The following SLCO5A1 variants were observed in gnomAD, a reference collection of about 807,000 sequenced individuals.
The protein encoded by SLCO5A1 is solute carrier organic anion transporter family member 5A1.
In SLCO5A1, 39 loss-of-function variants were observed where a neutral mutation model predicts 65.1. That is an observed-to-expected ratio of 0.60 (90% CI 0.46 to 0.78). The LOEUF (loss-of-function observed/expected upper bound fraction) is 0.78, where lower values mean the gene tolerates loss of function less well. SLCO5A1 is among the 30% of genes least tolerant of loss of function. The pLI, the probability that SLCO5A1 is intolerant of heterozygous loss-of-function variation, is 0.00. For synonymous variants in SLCO5A1, 438 were observed against 415.7 expected (o/e 1.05, Z -0.65); for missense variants, 1,029 against 1,069.4 (o/e 0.96, Z 0.53).
rs545206025 is a variant in SLCO5A1 at position 69,683,682 on chromosome 8, C to G, written c.1623-1339G>C. 2.4e-3 allele frequency among the ~76,000 whole-genome samples: 367 copies of G among 152,174 alleles called. 1 individual carries two copies. The highest frequency in any genetic ancestry group is 4.0e-3 in the Non-Finnish European group (274 of 68,014). ...GGTTCAAGCAATTCGCCTGCCTCAG[C>G]CTCCCGAGTGGCTGGGATTACAGGC... On this transcript the variant is annotated intron_variant, in intron 6 of 9. Coordinates refer to ENST00000260126, the MANE Select transcript of SLCO5A1 (RefSeq NM_030958.3).
intron 2 of SLCO5A1, among the ~76,000 whole-genome samples, chr8:69,818,808 C>T (rs1296422967): frequency 6.6e-6 from 1 of 152,164 alleles, no homozygotes. Flanking sequence ...CACAAATTAA[C>T]TGTCTCAAAC....
At chr8:69,744,328 G>A (rs535823803) in intron 4 of SLCO5A1, among the ~76,000 whole-genome samples, 8 of 152,136 alleles carry the variant, frequency 5.3e-5, no homozygotes, top group South Asian at 2.1e-4. Context: ...GTAGTCCTAC[G>A]GTTGCCCTGC....
chr8:69,810,692 T>C (rs542085227), intron 2 of SLCO5A1, among the ~76,000 whole-genome samples: 161 of 152,326 alleles, frequency 1.1e-3, no homozygotes, highest in Non-Finnish European at 2.0e-3. Flanking sequence ...CAATAGACAA[T>C]AAACTCACTG....
chr8:69,784,974 AGAAAGAAAGAAAGAAAAGC>A (rs1420064927), intron 2 of SLCO5A1, among the ~76,000 whole-genome samples: 3 of 149,480 alleles, frequency 2.0e-5, no homozygotes, highest in Non-Finnish European at 4.5e-5. Context: ...AGAAAGAAAG[AGAAAGAAAGAAAGAAAAGC>A]GAAAGAAAGA....
At chr8:69,765,599 A>G (rs977665148) in intron 2 of SLCO5A1, among the ~76,000 whole-genome samples, 7 of 152,288 alleles carry the variant, frequency 4.6e-5, no homozygotes, top group Non-Finnish European at 7.4e-5. Flanking sequence ...GCAAACCCGT[A>G]CCACTCAACT....
At chr8:69,741,566 T>TA (rs1349759716) in intron 4 of SLCO5A1, among the ~76,000 whole-genome samples, 35 of 152,348 alleles carry the variant, frequency 2.3e-4, no homozygotes, top group Admixed American at 5.2e-4. Flanking sequence ...ACTCATTGAT[T>TA]AATAATACAT....
intron 2 of SLCO5A1, among the ~76,000 whole-genome samples, chr8:69,788,962 G>A (rs866223957): frequency 2.0e-5 from 3 of 152,172 alleles, no homozygotes; most frequent in East Asian, 1.9e-4. Flanking sequence ...TGGAATCCAC[G>A]TCTACTGTGC....
At chr8:69,797,885 TTA>T (rs1819568540) in intron 2 of SLCO5A1, among the ~76,000 whole-genome samples, 1 of 152,220 alleles carries the variant, frequency 6.6e-6, no homozygotes, top group Non-Finnish European at 1.5e-5. Context: ...TTGTGATATC[TTA>T]TTACCTTGTG....
chr8:69,809,869 A>C (rs920040017), intron 2 of SLCO5A1, among the ~76,000 whole-genome samples: 2 of 151,988 alleles, frequency 1.3e-5, no homozygotes, highest in Non-Finnish European at 2.9e-5. Flanking sequence ...CGGTAGCATC[A>C]TTTGCAAGCT....
At chr8:69,767,780 C>T (rs1394990366) in intron 2 of SLCO5A1, among the ~76,000 whole-genome samples, 1 of 150,188 alleles carries the variant, frequency 6.7e-6, no homozygotes. Context: ...GTCCCAGCTA[C>T]TCAGGAGGCT....
At chr8:69,812,835 G>A (rs1586827126) in intron 2 of SLCO5A1, among the ~76,000 whole-genome samples, 1 of 152,136 alleles carries the variant, frequency 6.6e-6, no homozygotes, top group Non-Finnish European at 1.5e-5. Context: ...GAACCATTTT[G>A]TTAGATTTAT....
rs1397819992 is a variant in SLCO5A1 at position 69,692,627 on chromosome 8, T to A, written c.1623-10284A>T. Among the ~76,000 whole-genome samples, 5 of 151,522 alleles carry A rather than the reference T, an allele frequency of 3.3e-5. No individual in the cohort carries two copies. In the South Asian group the frequency reaches 1.0e-3, roughly 31 times the overall value. ...TTCTTCATATCCTTATTCTATAAAC[T>A]GTTTTCTTTTTTTGCCGTTTTAAAC... On this transcript the variant is annotated intron_variant, in intron 6 of 9. Transcript: ENST00000260126.
chr8:69,672,998 T>G lies in SLCO5A1; in HGVS notation c.2418A>C (p.Glu806Asp). The change falls in exon 10 of 10, where the codon GAA becomes GAC. Residue 806 changes from glutamate (E) to aspartate (D), a missense_variant. Glu to Asp is a conservative substitution (Grantham distance 45). This residue lies in a region of SLCO5A1 where 258 missense variants were observed against 237.4 expected (regional missense o/e 1.09). Coordinates refer to ENST00000260126, the MANE Select transcript of SLCO5A1 (RefSeq NM_030958.3). ...GGATCCCTTTTTGCAGGCCAGTCTC[T>G]TCGTGGAATTCTCCCTGGGTGCTGA... ...PAFSTQGEFH[E>D]ETGLQKGIQC... 6.2e-7 allele frequency: 1 copy of G among 1,614,204 alleles called. No homozygotes were observed. The highest frequency in any genetic ancestry group is 8.5e-7 in the Non-Finnish European group (1 of 1,180,036).
chr8:69,721,545 A>G (rs1295037559), intron 5 of SLCO5A1, among the ~76,000 whole-genome samples: 20 of 152,222 alleles, frequency 1.3e-4, no homozygotes, highest in Admixed American at 1.3e-3. Context: ...CTAGATTTAT[A>G]TGAGGCTAGT....
chr8:69,700,844 A>T (rs1814702845), intron 6 of SLCO5A1, among the ~76,000 whole-genome samples: 2 of 151,430 alleles, frequency 1.3e-5, no homozygotes, highest in South Asian at 2.1e-4. Context: ...AATATTTATC[A>T]ATATATATAA....
intron 2 of SLCO5A1, among the ~76,000 whole-genome samples, chr8:69,776,091 ACACT>A (rs201461760): frequency 0.018 from 2,786 of 152,312 alleles, 27 homozygotes; most frequent in African/African-American, 0.031. Flanking sequence ...GACTGAAATA[ACACT>A]CAGTGCAGAA....
chr8:69,738,502 G>A (rs1816662319), intron 4 of SLCO5A1, among the ~76,000 whole-genome samples: 1 of 151,742 alleles, frequency 6.6e-6, no homozygotes, highest in Non-Finnish European at 1.5e-5. Context: ...TTCAAAAACT[G>A]TTAGAATTAT....
intron 6 of SLCO5A1, among the ~76,000 whole-genome samples, chr8:69,687,565 A>C (rs1223201538): frequency 2.6e-5 from 4 of 152,190 alleles, no homozygotes; most frequent in Non-Finnish European, 5.9e-5. Context: ...TTTTCAAAAT[A>C]TCTTTATTTA....
At chr8:69,703,422 C>T (rs549706308) in intron 6 of SLCO5A1, among the ~76,000 whole-genome samples, 7 of 152,122 alleles carry the variant, frequency 4.6e-5, no homozygotes, top group Middle Eastern at 3.4e-3. Context: ...GCCATATGCC[C>T]ATAATCCCAG....
Sources: gnomAD v4.1 joint callset for allele counts (sites outside exome capture counted in the v4.1 genomes callset) on GRCh38, gnomAD v4.1.1 for gene constraint, gnomAD v4.1.1 regional missense constraint, MANE v1.5 for transcripts, NCBI Gene and HGNC (gene_info 2026-07-23, HGNC 2026-07-21) for gene names.